Variants in GALNT2 observed in about 807,000 individuals in gnomAD.
GALNT2 encodes polypeptide N-acetylgalactosaminyltransferase 2.
A neutral mutation model predicts 81.4 loss-of-function variants in GALNT2; 31 were observed. The observed-to-expected ratio is 0.38, with a 90% CI of 0.29 to 0.51. The LOEUF (loss-of-function observed/expected upper bound fraction) is 0.51. Ranked by LOEUF, GALNT2 falls within the 20% of genes least tolerant of loss-of-function variation. The pLI, the probability that GALNT2 is intolerant of heterozygous loss-of-function variation, is 0.87. For synonymous variants in GALNT2, 303 were observed against 287.4 expected, an observed-to-expected ratio of 1.05 and a Z score of -0.55; for missense variants, 629 against 765.7, an observed-to-expected ratio of 0.82 and a Z score of 2.11.
At chr1:230,087,235 G>A (rs1659927727) in intron 1 of GALNT2, among the ~76,000 whole-genome samples, 1 of 152,212 alleles carries the variant, frequency 6.6e-6, no homozygotes, top group Admixed American at 6.5e-5. Flanking sequence ...GCCTGCTGGG[G>A]CATGCTTAGT....
intron 6 of GALNT2, among the ~76,000 whole-genome samples, chr1:230,242,008 G>T (rs1326011917): frequency 6.6e-6 from 1 of 152,162 alleles, no homozygotes; most frequent in African/African-American, 2.4e-5. Context: ...GGAGGTTATT[G>T]CCAGATTTGG....
intron 2 of GALNT2, among the ~76,000 whole-genome samples, chr1:230,188,123 A>C (rs1663403416): frequency 6.6e-6 from 1 of 152,182 alleles, no homozygotes; most frequent in Non-Finnish European, 1.5e-5. Context: ...TGTATTTAAA[A>C]TAAGCTATTA....
intron 1 of GALNT2, among the ~76,000 whole-genome samples, chr1:230,075,184 G>C (rs1383922785): frequency 7.1e-6 from 1 of 141,302 alleles, no homozygotes; most frequent in Non-Finnish European, 1.5e-5. Flanking sequence ...GGAGTGCAGT[G>C]GCACAATCTC....
chr1:230,066,740 G>A (rs1659190389), upstream of GALNT2, among the ~76,000 whole-genome samples: 1 of 152,270 alleles, frequency 6.6e-6, no homozygotes, highest in Non-Finnish European at 1.5e-5. Context: ...AGTCTGGGCA[G>A]GAAGCACCGA....
At chr1:230,264,174 A>C (rs1189523550) in intron 13 of GALNT2, 1 of 152,314 alleles carries the variant, frequency 6.6e-6, no homozygotes, top group East Asian at 1.9e-4. Flanking sequence ...TCTTCCTGCC[A>C]GCTCTGTCCT....
intron 6 of GALNT2, among the ~76,000 whole-genome samples, chr1:230,237,041 A>T (rs1235399026): frequency 2.6e-5 from 4 of 152,260 alleles, no homozygotes; most frequent in African/African-American, 9.6e-5. Context: ...AAAAACAAAG[A>T]TTTAGCAATA....
intron 15 of GALNT2, 98 bp downstream of exon 15, chr1:230,274,662 A>G: frequency 7.0e-7 from 1 of 1,437,276 alleles, no homozygotes; most frequent in Non-Finnish European, 9.5e-7. Context: ...CAAAGCATCC[A>G]TCTCTGCGTG....
chr1:230,068,679 A>G (rs1659282875), intron 1 of GALNT2, among the ~76,000 whole-genome samples: 1 of 152,144 alleles, frequency 6.6e-6, no homozygotes, highest in Non-Finnish European at 1.5e-5. Context: ...TCATTCATTC[A>G]TAGCCGAAGA....
At chr1:230,274,061 G>A (rs1053796256) in intron 14 of GALNT2, among the ~76,000 whole-genome samples, 7 of 152,222 alleles carry the variant, frequency 4.6e-5, no homozygotes, top group Admixed American at 3.3e-4. Flanking sequence ...TGGACCAGTT[G>A]CCAACTGTCT....
intron 3 of GALNT2, among the ~76,000 whole-genome samples, chr1:230,212,665 G>A (rs531917645): frequency 3.8e-4 from 57 of 151,988 alleles, no homozygotes; most frequent in Middle Eastern, 3.4e-3. Context: ...CTTGCTTAAC[G>A]GGTCCCCCAC....
intron 1 of GALNT2, among the ~76,000 whole-genome samples, chr1:230,127,212 G>A (rs944096363): frequency 3.3e-5 from 5 of 151,868 alleles, no homozygotes; most frequent in East Asian, 3.9e-4. Context: ...CCCCGCCTGC[G>A]CTGGTGCTGT....
intron 1 of GALNT2, among the ~76,000 whole-genome samples, chr1:230,160,725 ACG>A (rs1662406971): frequency 6.8e-6 from 1 of 148,120 alleles, no homozygotes; most frequent in South Asian, 2.1e-4. Flanking sequence ...AAAAAAAAAC[ACG>A]AAACTTTCAG....
Position 230,257,679 on chromosome 1 carries a change from G to A in GALNT2, c.1136+2335G>A, listed in dbSNP as rs1468671303. Among the ~76,000 whole-genome samples the A allele has an allele frequency of 6.6e-6, 1 of 152,192 alleles. No individual in the cohort carries two copies. The highest frequency in any genetic ancestry group is 1.5e-5 in the Non-Finnish European group (1 of 68,030). On this transcript the variant is annotated intron_variant, in intron 11 of 15. Transcript: ENST00000366672. The surrounding 1 kb of genome is among the most constrained non-coding windows in gnomAD (Gnocchi z 4.6). The stretch of plus-strand genomic sequence containing the variant: ...CAGGTTGTATCCCTCTCATTAAGCA[G>A]CACCTGGCTGTACCTGGAGCAGGTG...
At chr1:230,090,618 C>T (rs1281306755) in intron 1 of GALNT2, among the ~76,000 whole-genome samples, 3 of 152,180 alleles carry the variant, frequency 2.0e-5, no homozygotes, top group Non-Finnish European at 4.4e-5. Context: ...GGCAAATAAG[C>T]TGGTCAGAAC....
chr1:230,233,416 C>T (rs1208739953), intron 3 of GALNT2, among the ~76,000 whole-genome samples: 1 of 152,160 alleles, frequency 6.6e-6, no homozygotes, highest in East Asian at 1.9e-4. Flanking sequence ...AGTTCGAGAC[C>T]AGCCTGGCCA....
chr1:230,136,913 A>T (rs1661567229), intron 1 of GALNT2, among the ~76,000 whole-genome samples: 1 of 152,032 alleles, frequency 6.6e-6, no homozygotes, highest in Admixed American at 6.5e-5. Context: ...TTCAGCCGGG[A>T]CTCTGCTTCA....
Position 230,275,532 on chromosome 1 carries a change from CATAG to C in GALNT2, c.1560+972_1560+975del, listed in dbSNP as rs1241827473. 4.0e-5 allele frequency among the ~76,000 whole-genome samples: 6 copies of C among 150,678 alleles called. No individual in the cohort carries two copies. The highest frequency in any genetic ancestry group is 5.9e-5 in the Non-Finnish European group (4 of 67,604). ...GATACATACATATATATACATGCCA[CATAG>C]ATATACATATATAAACGCCACATAT... On this transcript the variant is annotated intron_variant, in intron 15 of 15. Coordinates refer to ENST00000366672, the MANE Select transcript of GALNT2 (RefSeq NM_004481.5). The surrounding 1 kb of genome is among the most constrained non-coding windows in gnomAD (Gnocchi z 5.5).
intron 1 of GALNT2, among the ~76,000 whole-genome samples, chr1:230,159,297 C>T (rs529376342): frequency 2.0e-5 from 3 of 152,274 alleles, no homozygotes; most frequent in Admixed American, 1.3e-4. Flanking sequence ...CTCATCTTTG[C>T]ACACGAAGGC....
chr1:230,160,922 G>A (rs770027644), intron 1 of GALNT2, among the ~76,000 whole-genome samples: 4 of 152,122 alleles, frequency 2.6e-5, no homozygotes, highest in African/African-American at 9.7e-5. Flanking sequence ...ACAGAGTCCT[G>A]TTGACTGAAC....
Sources: gnomAD v4.1 joint callset for allele counts (sites outside exome capture counted in the v4.1 genomes callset) on GRCh38, gnomAD v4.1.1 for gene constraint, Gnocchi (gnomAD v3.1) non-coding constraint, MANE v1.5 for transcripts, NCBI Gene and HGNC (gene_info 2026-07-23, HGNC 2026-07-21) for gene names.